The following SPAG16 variants were observed in gnomAD, a reference collection of about 807,000 sequenced individuals.
SPAG16 encodes the protein sperm associated antigen 16.
SPAG16 carries 86 observed loss-of-function variants against 80.4 expected under a neutral mutation model. The ratio of observed to expected loss-of-function variants is 1.07; its 90% CI spans 0.90 to 1.28. The LOEUF (loss-of-function observed/expected upper bound fraction) is 1.28. Among genes scored for constraint, SPAG16 ranks in the 50% most tolerant of loss-of-function variants. The pLI is 0.00. For synonymous variants in SPAG16, 294 were observed against 265.9 expected (o/e 1.11, Z -1.03); for missense variants, 870 against 765.3 (o/e 1.14, Z -1.61).
intron 10 of SPAG16, among the ~76,000 whole-genome samples, chr2:213,691,016 CCTGA>C (rs1446687466): frequency 1.3e-5 from 2 of 151,974 alleles, no homozygotes; most frequent in African/African-American, 2.4e-5. Flanking sequence ...TCTGCAGAAC[CCTGA>C]CTAATACAGT....
At chr2:214,174,834 T>TAA (rs2057015043) in intron 15 of SPAG16, among the ~76,000 whole-genome samples, 1 of 151,682 alleles carries the variant, frequency 6.6e-6, no homozygotes, top group Non-Finnish European at 1.5e-5. Flanking sequence ...TGCACGAATC[T>TAA]AAAATAAATA....
rs546263844 is a variant in SPAG16 at position 213,573,639 on chromosome 2, T to C, written c.1070+83549T>C. ...TAGGAATTTCCTTTAATACATATTT[T>C]GTATATATTTTTATACGTATTTTAA... On this transcript the variant is annotated intron_variant, in intron 10 of 15. Coordinates refer to ENST00000331683, the MANE Select transcript of SPAG16 (RefSeq NM_024532.5). Among the ~76,000 whole-genome samples, 5 of 152,360 alleles carry C rather than the reference T, an allele frequency of 3.3e-5. No individual in the cohort carries two copies. The South Asian group carries it at 8.3e-4, about 25-fold the overall frequency.
At chr2:213,935,842 G>A (rs994178136) in intron 12 of SPAG16, among the ~76,000 whole-genome samples, 10 of 152,150 alleles carry the variant, frequency 6.6e-5, no homozygotes, top group East Asian at 5.8e-4. Context: ...CACTTACTTC[G>A]TTCTATGCCT....
chr2:214,099,223 T>C (rs1185433553), intron 13 of SPAG16, among the ~76,000 whole-genome samples: 1 of 152,096 alleles, frequency 6.6e-6, no homozygotes, highest in African/African-American at 2.4e-5. Context: ...TGGTGACTTT[T>C]AAAATTCTCA....
At chr2:213,840,868 C>T (rs897001881) in intron 10 of SPAG16, among the ~76,000 whole-genome samples, 6 of 151,944 alleles carry the variant, frequency 3.9e-5, no homozygotes, top group Admixed American at 1.3e-4. Flanking sequence ...AATGCAGTTT[C>T]GTGGAAGAAT....
chr2:214,040,270 G>A (rs1294563133), intron 13 of SPAG16, among the ~76,000 whole-genome samples: 1 of 152,038 alleles, frequency 6.6e-6, no homozygotes, highest in Non-Finnish European at 1.5e-5. Flanking sequence ...TGAATTTGGG[G>A]GAAGGACTGA....
intron 6 of SPAG16, among the ~76,000 whole-genome samples, chr2:213,348,305 C>A (rs749106445): frequency 3.2e-4 from 49 of 152,236 alleles, no homozygotes; most frequent in Non-Finnish European, 4.7e-4. Context: ...GAATGCAACA[C>A]AATGATGGGT....
chr2:213,869,297 A>ATATATATATG (rs1559538342), intron 11 of SPAG16, among the ~76,000 whole-genome samples: 15 of 124,910 alleles, frequency 1.2e-4, no homozygotes, highest in East Asian at 6.5e-4. Context: ...ATATATGTAT[A>ATATATATATG]TATATATATA....
intron 15 of SPAG16, among the ~76,000 whole-genome samples, chr2:214,201,221 T>G (rs1157361863): frequency 6.6e-6 from 1 of 152,194 alleles, no homozygotes; most frequent in Non-Finnish European, 1.5e-5. Context: ...CATCAAGGTA[T>G]CAATAAAATC....
chr2:213,922,188 A>G (rs2078256531), intron 11 of SPAG16, among the ~76,000 whole-genome samples: 2 of 152,130 alleles, frequency 1.3e-5, no homozygotes, highest in Non-Finnish European at 2.9e-5. Flanking sequence ...CTATTTACAT[A>G]ATCCTATATC....
chr2:213,363,788 T>C (rs1294318963), intron 7 of SPAG16, among the ~76,000 whole-genome samples: 1 of 152,070 alleles, frequency 6.6e-6, no homozygotes, highest in Non-Finnish European at 1.5e-5. Context: ...ATTGAATAAT[T>C]ATTAAAGTGT....
chr2:213,643,371 TA>T (rs2062687215), intron 10 of SPAG16, among the ~76,000 whole-genome samples: 2 of 53,938 alleles, frequency 3.7e-5, no homozygotes, highest in Non-Finnish European at 7.2e-5. Flanking sequence ...TATATATATA[TA>T]TATATATATA....
At chr2:214,002,309 G>A (rs1050431849) in intron 12 of SPAG16, among the ~76,000 whole-genome samples, 1 of 152,100 alleles carries the variant, frequency 6.6e-6, no homozygotes, top group African/African-American at 2.4e-5. Flanking sequence ...ACTCTTCTGA[G>A]TCTCAGTATC....
chr2:213,793,343 C>T (rs1045066535), intron 10 of SPAG16, among the ~76,000 whole-genome samples: 4 of 152,036 alleles, frequency 2.6e-5, no homozygotes, highest in Non-Finnish European at 5.9e-5. Flanking sequence ...AACATGCAAA[C>T]CTTTATCCTG....
chr2:214,191,727 G>GAAAAAAAAAAAAAAAAAAAAA (rs367694225), intron 15 of SPAG16, among the ~76,000 whole-genome samples: 1 of 115,818 alleles, frequency 8.6e-6, no homozygotes, highest in Admixed American at 9.6e-5. Context: ...AAAAAAAAAA[G>GAAAAAAAAAAAAAAAAAAAAA]AAAAAAAAAA....
chr2:213,799,200 T>C (rs2071228712), intron 10 of SPAG16, among the ~76,000 whole-genome samples: 1 of 152,184 alleles, frequency 6.6e-6, no homozygotes, highest in South Asian at 2.1e-4. Context: ...TTCTGATACA[T>C]GAACATAGGA....
intron 3 of SPAG16, among the ~76,000 whole-genome samples, chr2:213,308,964 A>G (rs1559394624): frequency 6.6e-6 from 1 of 152,154 alleles, no homozygotes; most frequent in Non-Finnish European, 1.5e-5. Context: ...GGACCCAGTT[A>G]TAAACATGAA....
At chr2:213,428,215 G>C (rs1468313092) in intron 9 of SPAG16, among the ~76,000 whole-genome samples, 1 of 152,210 alleles carries the variant, frequency 6.6e-6, no homozygotes, top group African/African-American at 2.4e-5. Context: ...ACTGAGAGCT[G>C]TGAGTGAAGT....
At chr2:213,754,699 T>A (rs2068239504) in intron 10 of SPAG16, among the ~76,000 whole-genome samples, 1 of 152,238 alleles carries the variant, frequency 6.6e-6, no homozygotes, top group Admixed American at 6.5e-5. Flanking sequence ...ATAAAATTAA[T>A]GTATCACAGC....
Sources: gnomAD v4.1 joint callset for allele counts (sites outside exome capture counted in the v4.1 genomes callset) on GRCh38, gnomAD v4.1.1 for gene constraint, MANE v1.5 for transcripts, NCBI Gene and HGNC (gene_info 2026-07-23, HGNC 2026-07-21) for gene names.